Variants in KIAA1549 observed in about 807,000 individuals in gnomAD.
KIAA1549 encodes KIAA1549.
KIAA1549 carries 70 observed loss-of-function variants against 156.4 expected under a neutral mutation model. The ratio of observed to expected loss-of-function variants is 0.45; its 90% confidence interval spans 0.37 to 0.55. The LOEUF is 0.55. KIAA1549 is among the 20% of genes least tolerant of loss of function. KIAA1549 has a pLI of 0.00. For missense variants in KIAA1549, 2,428 were observed against 2,540.9 expected (o/e 0.96, Z 0.96); for synonymous variants, 1,103 against 1,066.4 (o/e 1.03, Z -0.67).
Position 138,919,408 on chromosome 7 carries a change from G to A in KIAA1549, c.218C>T (p.Ser73Phe). The A allele has an allele frequency of 1.4e-5, 22 of 1,614,010 alleles. No individual in the cohort carries two copies. The highest frequency in any genetic ancestry group is 1.9e-5 in the Non-Finnish European group (22 of 1,179,894). Residue 73 changes from serine (S) to phenylalanine (F), a missense_variant, in exon 2 of 20, where the codon TCT (serine) becomes TTT (phenylalanine). Ser to Phe is a radical substitution (Grantham distance 155). Around this residue, in one of 5 missense-constraint regions of KIAA1549, gnomAD observed 893 missense variants for 847.9 expected, o/e 1.05. Transcript: ENST00000422774. Reference protein sequence around the residue: ...DELSPEQHNLSLYSMELVLKK... With the variant: ...DELSPEQHNLFLYSMELVLKK... ...CAGCACGAGCTCCATGGAGTATAAA[G>A]AAAGGTTGTGCTGTTCCGGAGAGAG...
chr7:138,960,054 G>C (rs765651901), intron 1 of KIAA1549, among the ~76,000 whole-genome samples: 4 of 152,186 alleles, frequency 2.6e-5, no homozygotes, highest in Non-Finnish European at 5.9e-5. Flanking sequence ...ATTGGTCAAA[G>C]GCTGACCGGG....
chr7:138,927,922 CTTT>C (rs1200610758), intron 1 of KIAA1549, among the ~76,000 whole-genome samples: 3 of 139,128 alleles, frequency 2.2e-5, no homozygotes, highest in Admixed American at 7.2e-5. Flanking sequence ...ATTGTCTTGT[CTTT>C]TTTTTTTTTT....
intron 1 of KIAA1549, among the ~76,000 whole-genome samples, chr7:138,977,275 C>T (rs1814407428): frequency 6.6e-6 from 1 of 151,994 alleles, no homozygotes; most frequent in South Asian, 2.1e-4. Context: ...CATATCTATG[C>T]CACAACAGGT....
At chr7:138,915,542 C>A (rs1012879223) in intron 2 of KIAA1549, among the ~76,000 whole-genome samples, 2 of 152,084 alleles carry the variant, frequency 1.3e-5, no homozygotes, top group African/African-American at 4.8e-5. Context: ...AGGATCCTCG[C>A]TCCCACCTGC....
intron 1 of KIAA1549, among the ~76,000 whole-genome samples, chr7:138,924,957 G>A (rs1001902781): frequency 1.2e-4 from 19 of 152,266 alleles, no homozygotes; most frequent in African/African-American, 3.1e-4. Context: ...GCTGGACCCC[G>A]GACTCCTGCA....
At chr7:138,904,673 TTATTAAACTAAA>T (rs1811957163) in intron 7 of KIAA1549, among the ~76,000 whole-genome samples, 1 of 150,762 alleles carries the variant, frequency 6.6e-6, no homozygotes, top group Non-Finnish European at 1.5e-5. Flanking sequence ...CTGCTTGTCC[TTATTAAACTAAA>T]CAAATAACAC....
chr7:138,847,126 T>A (rs964857702), intron 17 of KIAA1549, among the ~76,000 whole-genome samples: 14 of 152,274 alleles, frequency 9.2e-5, no homozygotes, highest in African/African-American at 3.4e-4. Flanking sequence ...CTCCCTACTT[T>A]CCCCCACCTT....
intron 1 of KIAA1549, among the ~76,000 whole-genome samples, chr7:138,943,208 AC>A (rs1813234958): frequency 6.6e-6 from 1 of 152,196 alleles, no homozygotes; most frequent in Admixed American, 6.5e-5. Flanking sequence ...CAGATGCGTC[AC>A]GAGTCCCCCT....
At chr7:138,844,790 C>A (rs529121707) in intron 17 of KIAA1549, among the ~76,000 whole-genome samples, 1 of 151,760 alleles carries the variant, frequency 6.6e-6, no homozygotes, top group Non-Finnish European at 1.5e-5. Context: ...CATCACCTGG[C>A]GGGCCCGAAA....
At chr7:138,963,287 G>C (rs1813909653) in intron 1 of KIAA1549, among the ~76,000 whole-genome samples, 2 of 152,256 alleles carry the variant, frequency 1.3e-5, no homozygotes, top group Admixed American at 6.5e-5. Context: ...GTGCAGGAGA[G>C]AGATGAAGGG....
At chr7:138,842,032 G>C (rs1809935842) in intron 18 of KIAA1549, among the ~76,000 whole-genome samples, 1 of 152,184 alleles carries the variant, frequency 6.6e-6, no homozygotes, top group East Asian at 1.9e-4. Flanking sequence ...AATCCTAACA[G>C]TATTAAAATG....
rs1814048864 is a variant in KIAA1549 at position 138,967,087 on chromosome 7, A to G, written c.187+13996T>C. Among the ~76,000 whole-genome samples the G allele has an allele frequency of 2.0e-5, 3 of 152,178 alleles. 1 individual carries two copies. The highest frequency in any genetic ancestry group is 4.1e-4 in the South Asian group (2 of 4,826). On this transcript the variant is annotated intron_variant, in intron 1 of 19. Transcript: ENST00000422774. ...GACACCTACCGCGGAGTAACACATG[A>G]TATCATTAACTTTGTCCACTGATGT...
At chr7:138,941,063 T>TA (rs1247003615) in intron 1 of KIAA1549, among the ~76,000 whole-genome samples, 1 of 151,998 alleles carries the variant, frequency 6.6e-6, no homozygotes, top group African/African-American at 2.4e-5. Flanking sequence ...CCATTGCTTT[T>TA]AAAAAATTTT....
At chr7:138,951,941 A>G (rs1006060712) in intron 1 of KIAA1549, among the ~76,000 whole-genome samples, 2 of 152,212 alleles carry the variant, frequency 1.3e-5, no homozygotes, top group African/African-American at 2.4e-5. Context: ...AGAAATACTA[A>G]AAGAATCGCC....
chr7:138,955,654 T>A (rs1813641650), intron 1 of KIAA1549, among the ~76,000 whole-genome samples: 1 of 152,186 alleles, frequency 6.6e-6, no homozygotes. Context: ...GATCCCATTT[T>A]ATGAAAAAAG....
At chr7:138,965,428 C>A (rs1813990719) in intron 1 of KIAA1549, among the ~76,000 whole-genome samples, 1 of 152,150 alleles carries the variant, frequency 6.6e-6, no homozygotes, top group Non-Finnish European at 1.5e-5. Flanking sequence ...TGGGCTCAAG[C>A]AATCCGCCCA....
rs760387202 is a variant in KIAA1549 at position 138,916,973 on chromosome 7, T to C, written c.2653A>G (p.Thr885Ala). 1 of 1,601,658 alleles carries C rather than the reference T, an allele frequency of 6.2e-7. No homozygotes were observed. The highest frequency in any genetic ancestry group is 8.5e-7 in the Non-Finnish European group (1 of 1,173,624). Residue 885 changes from threonine (T) to alanine (A), a missense_variant, in exon 2 of 20, where the codon ACA becomes GCA. Thr to Ala is a moderately conservative substitution (Grantham distance 58). Coordinates refer to ENST00000422774, the MANE Select transcript of KIAA1549 (RefSeq NM_001164665.2). ...CCAGTGGCAGCACCGGTGCTGGTTG[T>C]GCTCACTTCCGTGGAGGTGTTCAGT... ...VPLNTSTEVS[T>A]TSTGAATGGP...
Position 138,917,864 on chromosome 7 carries a change from C to T in KIAA1549, c.1762G>A (p.Val588Ile). The change falls in exon 2 of 20, where the codon GTT becomes ATT. Residue 588 changes from valine (V) to isoleucine (I), a missense_variant. By Grantham distance (29) the Val-to-Ile change is conservative. This residue lies in a region of KIAA1549 where 893 missense variants were observed against 847.9 expected (regional missense o/e 1.05). Coordinates refer to ENST00000422774, the MANE Select transcript of KIAA1549 (RefSeq NM_001164665.2). Reference protein sequence around the residue: ...TPSLAVRDPSVFTPYSLVPSV... With the variant: ...TPSLAVRDPSIFTPYSLVPSV... ...GGAACCAGACTATAAGGCGTAAAAA[C>T]ACTCGGGTCTCTGACGGCAAGCGAC... 6.2e-7 allele frequency: 1 copy of T among 1,604,692 alleles called. No homozygotes were observed. The highest frequency in any genetic ancestry group is 8.5e-7 in the Non-Finnish European group (1 of 1,175,640).
Position 138,936,198 on chromosome 7 carries a change from C to T in KIAA1549, c.188-16760G>A, listed in dbSNP as rs150802523. ...CTAAGGTAAAAAAGATGATCAAATTCAGCAGCCAGTGGAATGGATGGGGAA... is the reference window on the plus strand; with the variant it reads ...CTAAGGTAAAAAAGATGATCAAATTTAGCAGCCAGTGGAATGGATGGGGAA... On this transcript the variant is annotated intron_variant, in intron 1 of 19. Coordinates refer to ENST00000422774, the MANE Select transcript of KIAA1549 (RefSeq NM_001164665.2). Among the ~76,000 whole-genome samples the T allele has an allele frequency of 4.9e-3, 742 of 152,258 alleles. 7 individuals are homozygous for T. The highest frequency in any genetic ancestry group is 6.6e-3 in the Non-Finnish European group (448 of 68,014).
Sources: allele counts gnomAD v4.1 joint callset (sites outside exome capture counted in the v4.1 genomes callset), GRCh38; gene constraint gnomAD v4.1.1; regional missense constraint gnomAD v4.1.1; transcripts MANE v1.5; gene names NCBI Gene and HGNC (gene_info 2026-07-23, HGNC 2026-07-21).